Variants in NEK7 observed in about 807,000 individuals in gnomAD.
The protein encoded by NEK7 is serine/threonine-protein kinase Nek7.
Under a neutral mutation model 44.6 loss-of-function variants are expected in NEK7, and 18 were observed. The ratio of observed to expected loss-of-function variants is 0.40; its 90% CI spans 0.28 to 0.60. The LOEUF is 0.60. Ranked by LOEUF, NEK7 falls within the 20% of genes least tolerant of loss-of-function variation. The probability of loss-of-function intolerance (pLI) is 0.38; values close to 1 mark genes in which losing one functional copy is unlikely to be tolerated. For missense variants in NEK7, 256 were observed against 366.5 expected (o/e 0.70, Z 2.46); for synonymous variants, 130 against 121.1 (o/e 1.07, Z -0.48).
intron 9 of NEK7, among the ~76,000 whole-genome samples, chr1:198,308,720 CAGCTT>C (rs1472024701): frequency 2.6e-5 from 4 of 152,182 alleles, no homozygotes; most frequent in Non-Finnish European, 5.9e-5. Context: ...TCTTTGACCT[CAGCTT>C]ATCATTTCAT....
chr1:198,253,218 A>G (rs1170294342), intron 3 of NEK7, 38 bp downstream of exon 3: 1 of 1,374,142 alleles, frequency 7.3e-7, no homozygotes, highest in South Asian at 1.3e-5. Flanking sequence ...ATGTAAAATT[A>G]TACTATGTGA....
chr1:198,243,411 C>G (rs911764894), intron 2 of NEK7, among the ~76,000 whole-genome samples: 4 of 152,172 alleles, frequency 2.6e-5, no homozygotes, highest in Admixed American at 2.6e-4. Flanking sequence ...CTGTCTCTGT[C>G]TTTCAGTAAA....
chr1:198,256,630 T>C, intron 3 of NEK7: 2 of 981,528 alleles, frequency 2.0e-6, no homozygotes, highest in Non-Finnish European at 2.9e-6. Context: ...CCACCTAGTG[T>C]TTATTGGTCA....
intron 2 of NEK7, among the ~76,000 whole-genome samples, chr1:198,236,767 G>T (rs1478612084): frequency 6.6e-6 from 1 of 151,778 alleles, no homozygotes; most frequent in Non-Finnish European, 1.5e-5. Context: ...CCCTCTACTG[G>T]GTCCGTGCTA....
intron 1 of NEK7, among the ~76,000 whole-genome samples, chr1:198,185,294 G>A (rs1439346540): frequency 6.9e-6 from 1 of 145,384 alleles, no homozygotes; most frequent in Non-Finnish European, 1.5e-5. Flanking sequence ...GTTGAGATAA[G>A]CCAGATTTTC....
intron 1 of NEK7, among the ~76,000 whole-genome samples, chr1:198,185,897 A>G (rs1664907938): frequency 6.6e-6 from 1 of 152,170 alleles, no homozygotes; most frequent in African/African-American, 2.4e-5. Context: ...TGTCATTTTT[A>G]TTTCAGTTTC....
chr1:198,276,083 A>C (rs189765735), intron 5 of NEK7, among the ~76,000 whole-genome samples: 7 of 151,730 alleles, frequency 4.6e-5, no homozygotes, highest in Admixed American at 4.6e-4. Flanking sequence ...CATCAGGTTT[A>C]ACTTGTAAGT....
At chr1:198,166,800 CAAG>C (rs1664281940) in intron 1 of NEK7, among the ~76,000 whole-genome samples, 1 of 152,122 alleles carries the variant, frequency 6.6e-6, no homozygotes, top group Non-Finnish European at 1.5e-5. Context: ...TGAATTATTG[CAAG>C]AATATCCAAT....
chr1:198,192,395 A>G (rs1297058403), intron 1 of NEK7, among the ~76,000 whole-genome samples: 6 of 142,014 alleles, frequency 4.2e-5, no homozygotes, highest in African/African-American at 1.6e-4. Context: ...TATTTTCTCT[A>G]TTTCTGCTGT....
intron 1 of NEK7, among the ~76,000 whole-genome samples, chr1:198,177,828 T>G (rs986886358): frequency 1.3e-5 from 2 of 152,020 alleles, no homozygotes; most frequent in African/African-American, 2.4e-5. Context: ...GGCCTTTAAA[T>G]AACTTGGAAT....
At chr1:198,255,583 G>T (rs1179561453) in intron 3 of NEK7, among the ~76,000 whole-genome samples, 7 of 152,168 alleles carry the variant, frequency 4.6e-5, no homozygotes, top group Admixed American at 3.9e-4. Flanking sequence ...ATTTGAATAA[G>T]TGTGAGTTAA....
At chr1:198,206,690 A>G (rs915923645) in intron 1 of NEK7, among the ~76,000 whole-genome samples, 8 of 152,130 alleles carry the variant, frequency 5.3e-5, no homozygotes, top group African/African-American at 1.7e-4. Flanking sequence ...AAAAAAAAAG[A>G]CAAGTGCTGT....
At chr1:198,277,700 T>A in intron 5 of NEK7, 1 of 275,044 alleles carries the variant, frequency 3.6e-6, no homozygotes, top group Non-Finnish European at 6.8e-6. Context: ...TTTATATAGA[T>A]GTTAATTTTT....
intron 9 of NEK7, among the ~76,000 whole-genome samples, chr1:198,301,326 G>A (rs539842026): frequency 6.6e-6 from 1 of 152,152 alleles, no homozygotes; most frequent in African/African-American, 2.4e-5. Context: ...CGAGGCGGGC[G>A]GATCACGAAG....
Position 198,322,044 on chromosome 1 carries a change from A to T in NEK7, c.*2522A>T, listed in dbSNP as rs1047485868. 6.6e-6 allele frequency: 1 copy of T among 152,186 alleles called. No homozygotes were observed. The highest frequency in any genetic ancestry group is 1.5e-5 in the Non-Finnish European group (1 of 67,984). 9.4% of individuals were successfully genotyped at this position (152,186 alleles called of 1,614,324 possible). Reference sequence around the variant, plus strand: ...GTGCTCAACAATGTGCAATGATTGTAAATTTAGTAAGATATTACAGCCATT... The same window carrying T: ...GTGCTCAACAATGTGCAATGATTGTTAATTTAGTAAGATATTACAGCCATT... On this transcript the variant is annotated 3_prime_UTR_variant, in exon 10 of 10. Coordinates refer to ENST00000367385, the MANE Select transcript of NEK7 (RefSeq NM_133494.3).
At chr1:198,169,052 T>A (rs1664352135) in intron 1 of NEK7, among the ~76,000 whole-genome samples, 1 of 152,216 alleles carries the variant, frequency 6.6e-6, no homozygotes, top group East Asian at 1.9e-4. Flanking sequence ...CATAGTTGAT[T>A]CATGTGCATA....
chr1:198,210,784 G>T lies in NEK7; in HGVS notation c.-28-21769G>T, dbSNP rs542937002. On this transcript the variant is annotated intron_variant, in intron 1 of 9. Transcript: ENST00000367385. ...TTTTTTTTTTTTGAGACGGAGTCTC[G>T]CTCTGTCGCCCAGGCTGGAGTGCAG... is the stretch of plus-strand genomic sequence containing the variant. Among the ~76,000 whole-genome samples, 3 of 106,382 alleles carry T rather than the reference G, an allele frequency of 2.8e-5. No homozygotes were observed. The Admixed American group carries it at 4.5e-4, about 16-fold the overall frequency. 69.8% of individuals were successfully genotyped at this position (106,382 alleles called of 152,430 possible). A position where few individuals can be genotyped will look rare whatever the true frequency, so the allele number is the denominator to read the frequency against.
intron 2 of NEK7, among the ~76,000 whole-genome samples, chr1:198,233,429 T>C (rs1666457773): frequency 6.6e-6 from 1 of 152,174 alleles, no homozygotes; most frequent in Admixed American, 6.5e-5. Context: ...CAATACCTCA[T>C]TTTTATTGCT....
chr1:198,310,395 C>T (rs1009982305), intron 9 of NEK7, among the ~76,000 whole-genome samples: 2 of 150,758 alleles, frequency 1.3e-5, no homozygotes, highest in Admixed American at 6.6e-5. Flanking sequence ...TTGTAGGCTG[C>T]CTGTTCACTC....
Sources: gnomAD v4.1 joint callset for allele counts (sites outside exome capture counted in the v4.1 genomes callset) on GRCh38, gnomAD v4.1.1 for gene constraint, MANE v1.5 for transcripts, NCBI Gene and HGNC (gene_info 2026-07-23, HGNC 2026-07-21) for gene names.